ANO2: variants seen among roughly 807,000 people sequenced by gnomAD.
ANO2 encodes the protein anoctamin-2.
In ANO2, 101 loss-of-function variants were observed where a neutral mutation model predicts 124.2. The observed-to-expected ratio is 0.81, with a 90% CI of 0.69 to 0.96. ANO2 has a LOEUF of 0.96. Ranked by LOEUF, ANO2 falls within the 40% of genes least tolerant of loss-of-function variation. The pLI is 0.00. For synonymous variants in ANO2, 486 were observed against 482.5 expected (o/e 1.01, Z -0.09); for missense variants, 1,293 against 1,274.5 (o/e 1.01, Z -0.22).
intron 14 of ANO2, among the ~76,000 whole-genome samples, chr12:5,656,460 C>A (rs1591829364): frequency 7.1e-6 from 1 of 140,744 alleles, no homozygotes; most frequent in East Asian, 1.9e-4. Flanking sequence ...TCCTCCCACA[C>A]ACTCACATTT....
chr12:5,764,701 G>A (rs1409981386), intron 10 of ANO2, among the ~76,000 whole-genome samples: 1 of 98,864 alleles, frequency 1.0e-5, no homozygotes, highest in Non-Finnish European at 2.0e-5. Context: ...CCCCAGCCCC[G>A]CCCTCCCCTG....
intron 15 of ANO2, among the ~76,000 whole-genome samples, chr12:5,647,441 C>A (rs1946698147): frequency 6.6e-6 from 1 of 152,228 alleles, no homozygotes; most frequent in Admixed American, 6.5e-5. Flanking sequence ...ACAGCCCAAA[C>A]AGGCTGCTGC....
chr12:5,696,972 T>C (rs1432279825), intron 14 of ANO2, among the ~76,000 whole-genome samples: 1 of 152,208 alleles, frequency 6.6e-6, no homozygotes, highest in East Asian at 1.9e-4. Flanking sequence ...TGATAAATGG[T>C]ATCAACAGAA....
chr12:5,635,224 T>C lies in ANO2; in HGVS notation c.1744A>G (p.Ile582Val). Residue 582 changes from isoleucine to valine, a missense_variant, in exon 16 of 25, where the codon ATC becomes GTC. Ile to Val is a conservative substitution (Grantham distance 29). Transcript: ENST00000682330. This position sits in a 1 kb window ranked among gnomAD's most constrained non-coding sequence, Gnocchi z 5.2. ...VRVTVTATAV[I>V]INLVVILILD... ...ATGAGGATGACCACGAGGTTGATGA[T>C]GACTGCTGTTGCTGTCACTGTCACC... is the stretch of plus-strand genomic sequence containing the variant. The C allele has an allele frequency of 6.2e-7, 1 of 1,612,642 alleles. No individual in the cohort carries two copies. Among genetic ancestry groups the C allele is most frequent in the Non-Finnish European group, 8.5e-7 (1 of 1,179,556 alleles).
At chr12:5,625,425 A>G (rs1022666795) in intron 16 of ANO2, among the ~76,000 whole-genome samples, 8 of 152,086 alleles carry the variant, frequency 5.3e-5, no homozygotes, top group Non-Finnish European at 1.5e-5. Context: ...AGAGAAAGAG[A>G]GAGCCAGGAT....
intron 4 of ANO2, among the ~76,000 whole-genome samples, chr12:5,848,659 A>T (rs1442094950): frequency 2.0e-5 from 3 of 152,148 alleles, no homozygotes; most frequent in African/African-American, 7.2e-5. Context: ...CGTCGTGTTT[A>T]CAGACGCCCC....
At chr12:5,880,963 C>T (rs904513567) in intron 3 of ANO2, among the ~76,000 whole-genome samples, 11 of 150,682 alleles carry the variant, frequency 7.3e-5, no homozygotes, top group South Asian at 2.1e-4. Flanking sequence ...TGGATGGAAG[C>T]GCAACTATAT....
intron 4 of ANO2, among the ~76,000 whole-genome samples, chr12:5,837,339 T>A (rs1327317106): frequency 1.7e-4 from 1 of 5,998 alleles, no homozygotes; most frequent in African/African-American, 4.8e-4. Context: ...TTTTTTTTTT[T>A]AAATTATACT....
At chr12:5,691,048 G>A (rs914763134) in intron 14 of ANO2, among the ~76,000 whole-genome samples, 2 of 152,076 alleles carry the variant, frequency 1.3e-5, no homozygotes, top group Non-Finnish European at 2.9e-5. Context: ...AAGCAAATAA[G>A]GCCAGGTGCG....
chr12:5,841,081 G>C (rs1954498838), intron 4 of ANO2, among the ~76,000 whole-genome samples: 1 of 152,220 alleles, frequency 6.6e-6, no homozygotes, highest in South Asian at 2.1e-4. Flanking sequence ...CTCCCCGCCA[G>C]GTGGTGCCTG....
At chr12:5,594,265 C>T (rs1418807989) in intron 20 of ANO2, among the ~76,000 whole-genome samples, 3 of 152,190 alleles carry the variant, frequency 2.0e-5, no homozygotes, top group African/African-American at 7.2e-5. Flanking sequence ...CTCCTCCCTC[C>T]AGGTGCTTAA....
At chr12:5,695,798 A>G (rs1565578964) in intron 14 of ANO2, among the ~76,000 whole-genome samples, 1 of 152,206 alleles carries the variant, frequency 6.6e-6, no homozygotes, top group Non-Finnish European at 1.5e-5. Flanking sequence ...CCGAGATCTC[A>G]CCATTGCACT....
At chr12:5,861,707 A>G (rs1955276182) in intron 3 of ANO2, among the ~76,000 whole-genome samples, 1 of 152,018 alleles carries the variant, frequency 6.6e-6, no homozygotes, top group South Asian at 2.1e-4. Flanking sequence ...GGGTGGGGGG[A>G]TGAGCCTGTC....
At chr12:5,585,324 G>T (rs552638471) in intron 20 of ANO2, among the ~76,000 whole-genome samples, 1 of 152,264 alleles carries the variant, frequency 6.6e-6, no homozygotes, top group East Asian at 1.9e-4. Flanking sequence ...TTACACAATG[G>T]ATCGGGCCTG....
At chr12:5,754,178 T>C (rs577505233) in intron 10 of ANO2, among the ~76,000 whole-genome samples, 15 of 152,282 alleles carry the variant, frequency 9.9e-5, no homozygotes, top group African/African-American at 1.4e-4. Flanking sequence ...CCATTTTTTT[T>C]CTCCATCTAT....
intron 10 of ANO2, among the ~76,000 whole-genome samples, chr12:5,776,919 G>A (rs1485836308): frequency 6.6e-6 from 1 of 152,190 alleles, no homozygotes; most frequent in Non-Finnish European, 1.5e-5. Context: ...TCCAAAGTTC[G>A]AGGAGAGGAG....
intron 1 of ANO2, among the ~76,000 whole-genome samples, chr12:5,924,412 GTCGGCT>G (rs1416140364): frequency 7.9e-5 from 12 of 152,332 alleles, no homozygotes; most frequent in East Asian, 3.9e-4. Flanking sequence ...CTAAGTCAAA[GTCGGCT>G]TCTGGGGTAA....
chr12:5,637,462 G>A (rs915011269), intron 15 of ANO2, among the ~76,000 whole-genome samples: 1 of 151,952 alleles, frequency 6.6e-6, no homozygotes, highest in African/African-American at 2.4e-5. Context: ...GGGACATGAA[G>A]GAAGACGTGG....
At chr12:5,918,622 G>A (rs556580887) in intron 3 of ANO2, among the ~76,000 whole-genome samples, 1 of 152,090 alleles carries the variant, frequency 6.6e-6, no homozygotes, top group South Asian at 2.1e-4. Flanking sequence ...TGTATTTTTA[G>A]TAGAGACAGT....
Sources: allele counts gnomAD v4.1 joint callset (sites outside exome capture counted in the v4.1 genomes callset), GRCh38; gene constraint gnomAD v4.1.1; non-coding constraint Gnocchi (gnomAD v3.1); transcripts MANE v1.5; gene names NCBI Gene and HGNC (gene_info 2026-07-23, HGNC 2026-07-21).